Variants in TRPC5 observed in about 807,000 individuals in gnomAD.
TRPC5 encodes the protein short transient receptor potential channel 5.
TRPC5 carries 9 observed loss-of-function variants against 56.5 expected under a neutral mutation model. The observed-to-expected ratio is 0.16, with a 90% CI of 0.10 to 0.28. The LOEUF (loss-of-function observed/expected upper bound fraction) is 0.28, where lower values mean the gene tolerates loss of function less well. Among genes scored for constraint, TRPC5 ranks in the 10% least tolerant of loss-of-function variants. The pLI, the probability that TRPC5 is intolerant of heterozygous loss-of-function variation, is 1.00. For synonymous variants in TRPC5, 282 were observed against 278.5 expected (o/e 1.01, Z -0.13); for missense variants, 469 against 748.9 (o/e 0.63, Z 4.36).
intron 1 of TRPC5, among the ~76,000 whole-genome samples, chrX:112,051,850 CT>C (rs1930221433): frequency 8.9e-6 from 1 of 111,996 alleles, no homozygotes; most frequent in African/African-American, 3.2e-5. Flanking sequence ...ACACTGGGTA[CT>C]TTTTATAAAT....
chrX:112,054,820 A>C (rs897222978), intron 1 of TRPC5, among the ~76,000 whole-genome samples: 3 of 111,532 alleles, frequency 2.7e-5, no homozygotes, highest in African/African-American at 9.8e-5. Context: ...TTCAGCGTTC[A>C]GCTTAGATAT....
chrX:111,779,907 TG>T (rs1945906579), intron 9 of TRPC5, among the ~76,000 whole-genome samples: 1 of 111,916 alleles, frequency 8.9e-6, no homozygotes, highest in Admixed American at 9.5e-5. Flanking sequence ...CATTTTTTTT[TG>T]TTATTGTTGA....
chrX:111,881,392 G>A (rs914476858), intron 3 of TRPC5, among the ~76,000 whole-genome samples: 1 of 110,557 alleles, frequency 9.0e-6, no homozygotes, highest in African/African-American at 3.3e-5. Flanking sequence ...TGGCCTGGAT[G>A]GTTTCAATCC....
intron 2 of TRPC5, among the ~76,000 whole-genome samples, chrX:111,918,617 G>A (rs1712425710): frequency 9.0e-6 from 1 of 110,937 alleles, no homozygotes; most frequent in African/African-American, 3.3e-5. Context: ...AAGAAGTTGA[G>A]GATGAAGTAG....
At chrX:111,945,473 ACACACACACATGTGTGCG>A (rs1926909348) in intron 2 of TRPC5, among the ~76,000 whole-genome samples, 1 of 110,332 alleles carries the variant, frequency 9.1e-6, no homozygotes, top group South Asian at 3.9e-4. Context: ...CATATAACAT[ACACACACACATGTGTGCG>A]CACACACACC....
intron 1 of TRPC5, among the ~76,000 whole-genome samples, chrX:112,061,588 G>A (rs993336954): frequency 1.1e-4 from 12 of 111,803 alleles, no homozygotes; most frequent in African/African-American, 3.9e-4. Context: ...TTGATTTGGG[G>A]TTAGGGCTGT....
intron 1 of TRPC5, among the ~76,000 whole-genome samples, chrX:111,984,882 A>T (rs190881028): frequency 2.7e-5 from 3 of 112,594 alleles, no homozygotes; most frequent in Non-Finnish European, 5.6e-5. Context: ...AGACTAATAC[A>T]TTTATACTAT....
Position 112,048,702 on chromosome X carries a change from G to C in TRPC5, c.-22+33177C>G, listed in dbSNP as rs1384615563. ...CATAGAAAAGTGTCTGGAACACCAA[G>C]GTGTCAACAGTAGTTGTGTCTGAAT... On this transcript the variant is annotated intron_variant, in intron 1 of 10. Transcript: ENST00000262839. 2.7e-5 allele frequency among the ~76,000 whole-genome samples: 3 copies of C among 111,993 alleles called. No homozygotes were observed. The East Asian group carries it at 8.4e-4, about 31-fold the overall frequency.
intron 1 of TRPC5, among the ~76,000 whole-genome samples, chrX:111,999,898 G>A (rs1035557518): frequency 4.5e-5 from 5 of 111,194 alleles, no homozygotes; most frequent in African/African-American, 1.3e-4. Context: ...CCTGGGAGTC[G>A]GAGGTTGCCG....
chrX:112,031,588 A>G (rs1929585933), intron 1 of TRPC5, among the ~76,000 whole-genome samples: 2 of 111,018 alleles, frequency 1.8e-5, no homozygotes, highest in African/African-American at 6.6e-5. Context: ...GCAAAGTTTA[A>G]AAAAATAATT....
intron 1 of TRPC5, among the ~76,000 whole-genome samples, chrX:112,045,831 G>A (rs1426928081): frequency 9.0e-6 from 1 of 111,463 alleles, no homozygotes; most frequent in Non-Finnish European, 1.9e-5. Flanking sequence ...AAACTGATTC[G>A]ATTTATCAAA....
intron 1 of TRPC5, among the ~76,000 whole-genome samples, chrX:111,983,961 G>A (rs1227135751): frequency 9.0e-6 from 1 of 111,385 alleles, no homozygotes; most frequent in Non-Finnish European, 1.9e-5. Context: ...CTCAGAACCT[G>A]CTCAGGCCTT....
chrX:111,785,495 G>A lies in TRPC5; in HGVS notation c.1897-3357C>T, dbSNP rs745991075. Among the ~76,000 whole-genome samples the A allele has an allele frequency of 3.7e-5, 4 of 107,278 alleles. No individual in the cohort carries two copies. In the East Asian group the frequency reaches 1.1e-3, roughly 30 times the overall value. The allele number at this position is 107,278 out of a possible 115,157, so 93.2% of individuals were successfully genotyped here. On this transcript the variant is annotated intron_variant, in intron 7 of 10. Transcript: ENST00000262839. Reference sequence around the variant, plus strand: ...AAAGCTGAAGATTCTAAAAATCAGAGCGCCTCTTCTCCTCCAAAGAATCAC... The same window carrying A: ...AAAGCTGAAGATTCTAAAAATCAGAACGCCTCTTCTCCTCCAAAGAATCAC...
chrX:112,053,996 C>T (rs187089811), intron 1 of TRPC5, among the ~76,000 whole-genome samples: 19 of 112,300 alleles, frequency 1.7e-4, no homozygotes, highest in African/African-American at 5.8e-4. Context: ...CATGACTAGG[C>T]TACTATTTGG....
At chrX:112,065,877 G>GA (rs371399139) in intron 1 of TRPC5, among the ~76,000 whole-genome samples, 88 of 97,760 alleles carry the variant, frequency 9.0e-4, no homozygotes, top group Admixed American at 1.0e-3. Context: ...TTTCCAAAAA[G>GA]AAAAAAAAAA....
intron 5 of TRPC5, 66 bp downstream of exon 5, chrX:111,852,232 C>T: frequency 9.5e-7 from 1 of 1,054,253 alleles, no homozygotes; most frequent in African/African-American, 1.9e-5. Context: ...TCTTTATGCT[C>T]TCAGTGCAAA....
rs896316457 is a variant in TRPC5, at chrX:111,773,618, G to A, written c.*2695C>T. ...ATAACATATATGCTTACTAATAAAT[G>A]TCTTCTATAATCTAGAAGACTTGAG... is the stretch of plus-strand genomic sequence containing the variant. On this transcript the variant is annotated 3_prime_UTR_variant, in exon 11 of 11. Transcript: ENST00000262839. Among the ~76,000 whole-genome samples the A allele has an allele frequency of 9.0e-6, 1 of 111,289 alleles. No individual in the cohort carries two copies. Among genetic ancestry groups the A allele is most frequent in the African/African-American group, 3.3e-5 (1 of 30,654 alleles).
At chrX:112,068,392 A>C (rs1236396498) in intron 1 of TRPC5, among the ~76,000 whole-genome samples, 1 of 112,537 alleles carries the variant, frequency 8.9e-6, no homozygotes, top group Admixed American at 9.4e-5. Context: ...TCACCTTTTG[A>C]ACAAGGGCTG....
intron 1 of TRPC5, among the ~76,000 whole-genome samples, chrX:112,068,231 C>T (rs1181968740): frequency 8.9e-6 from 1 of 112,434 alleles, no homozygotes; most frequent in Non-Finnish European, 1.9e-5. Flanking sequence ...GTAGTTTGTT[C>T]TAGCTATCCA....
Sources: allele counts gnomAD v4.1 joint callset (sites outside exome capture counted in the v4.1 genomes callset), GRCh38; gene constraint gnomAD v4.1.1; transcripts MANE v1.5; gene names NCBI Gene and HGNC (gene_info 2026-07-23, HGNC 2026-07-21).